The following ZNF558 variants were observed in gnomAD, a reference collection of about 807,000 sequenced individuals.
ZNF558 encodes zinc finger protein 558.
A neutral mutation model predicts 37.6 loss-of-function variants in ZNF558; 23 were observed. The ratio of observed to expected loss-of-function variants is 0.61; its 90% CI spans 0.44 to 0.87. ZNF558 has a LOEUF of 0.87. Ranked by LOEUF, ZNF558 falls within the 40% of genes least tolerant of loss-of-function variation. The probability of loss-of-function intolerance (pLI) is 0.00; values close to 1 mark genes in which losing one functional copy is unlikely to be tolerated. For synonymous variants in ZNF558, 189 were observed against 174.4 expected (o/e 1.08, Z -0.66); for missense variants, 429 against 483.7 (o/e 0.89, Z 1.06).
chr19:8,815,236 G>T (rs2043904779), intron 7 of ZNF558, among the ~76,000 whole-genome samples: 1 of 151,612 alleles, frequency 6.6e-6, no homozygotes, highest in Non-Finnish European at 1.5e-5. Context: ...TATGTATAAA[G>T]AACTAAAGGA....
In ZNF558 at chr19:8,808,383, T is replaced by A. The variant is rs946663704; in HGVS notation, c.*2898A>T. The A allele has an allele frequency of 3.6e-5, 4 of 112,292 alleles. No individual in the cohort carries two copies. The highest frequency in any genetic ancestry group is 7.2e-5 in the Non-Finnish European group (4 of 55,918). 7.0% of individuals were successfully genotyped at this position (112,292 alleles called of 1,614,324 possible). ...TACAATACTTTGCTATGTAAAAATA[T>A]CATCTCCACATAAAAAGGAATACAG... is the stretch of plus-strand genomic sequence containing the variant. On this transcript the variant is annotated 3_prime_UTR_variant, in exon 10 of 10. Transcript: ENST00000601372.
chr19:8,829,918 T>C (rs1289983380), intron 2 of ZNF558, among the ~76,000 whole-genome samples: 1 of 152,192 alleles, frequency 6.6e-6, no homozygotes, highest in African/African-American at 2.4e-5. Context: ...ATCACCATAC[T>C]GTTATTTCAG....
At chr19:8,834,604 C>CA (rs34714268), upstream of ZNF558, among the ~76,000 whole-genome samples, 546 of 88,408 alleles carry the variant, frequency 6.2e-3, 3 homozygotes, top group South Asian at 0.045. Context: ...GAGACTCCAT[C>CA]AAAAAAAAAA....
intron 7 of ZNF558, among the ~76,000 whole-genome samples, chr19:8,816,810 A>T (rs2043951014): frequency 6.6e-6 from 1 of 152,240 alleles, no homozygotes; most frequent in South Asian, 2.1e-4. Flanking sequence ...TTACTACATA[A>T]TTTAAAGACA....
chr19:8,816,864 C>T (rs144224440), intron 7 of ZNF558, among the ~76,000 whole-genome samples: 1 of 152,142 alleles, frequency 6.6e-6, no homozygotes, highest in African/African-American at 2.4e-5. Flanking sequence ...GCACACAATG[C>T]ATACAGATGC....
At chr19:8,825,247 T>C (rs1599287423) in intron 2 of ZNF558, 139 bp from the exon 3 acceptor site, 4 of 152,352 alleles carry the variant, frequency 2.6e-5, no homozygotes, top group Admixed American at 2.6e-4. Flanking sequence ...TGGCACTTCA[T>C]ATAATCGCAG....
rs61742909 is a variant in ZNF558 at position 8,811,765 on chromosome 19, A to G, written c.725T>C (p.Phe242Ser). Residue 242 changes from phenylalanine to serine, a missense_variant, in exon 10 of 10, where the codon TTT becomes TCT. Phe to Ser is a radical substitution (Grantham distance 155). Transcript: ENST00000601372. ...GTTACAACTGGTGCGGAAAACGTGA[A>G]AACACTGGTTACATTCATAGGGTTT... Reference protein sequence around the residue: ...GEKPYECNQCFHVFRTSCNLK... With the variant: ...GEKPYECNQCSHVFRTSCNLK... 7.9e-4 allele frequency: 1,278 copies of G among 1,613,718 alleles called. 13 individuals are homozygous for G. In the African/African-American group the frequency reaches 0.015, roughly 19 times the overall value.
chr19:8,821,345 C>G (rs368433176), intron 6 of ZNF558, 39 bp from the exon 7 acceptor site: 40 of 1,614,016 alleles, frequency 2.5e-5, no homozygotes, highest in Non-Finnish European at 3.3e-5. Context: ...CCAAGGACCA[C>G]CCCCACCAAC....
chr19:8,825,428 G>GA (rs888489495), intron 2 of ZNF558, among the ~76,000 whole-genome samples: 31 of 148,886 alleles, frequency 2.1e-4, no homozygotes, highest in Non-Finnish European at 3.6e-4. Flanking sequence ...ATGTAGCCAG[G>GA]AAAAAAAAAC....
At chr19:8,818,607 C>T (rs953319499) in intron 7 of ZNF558, among the ~76,000 whole-genome samples, 10 of 152,008 alleles carry the variant, frequency 6.6e-5, no homozygotes, top group South Asian at 4.2e-4. Flanking sequence ...CATGGCATTG[C>T]GAGGGATCTT....
At position 8,811,251 on chromosome 19, in the gene ZNF558, G is replaced by C. The variant is rs112409351; in HGVS notation, c.*30C>G. On this transcript the variant is annotated 3_prime_UTR_variant, in exon 10 of 10. Coordinates refer to ENST00000601372, the MANE Select transcript of ZNF558 (RefSeq NM_144693.3). ...TATCTTAGGGATGAAAGATCAATGA[G>C]TGCTTTCCTCCAGAAGTTCCTGCAG... is the stretch of plus-strand genomic sequence containing the variant. The C allele has an allele frequency of 1.3e-6, 2 of 1,528,550 alleles. No individual in the cohort carries two copies. Among genetic ancestry groups the C allele is most frequent in the African/African-American group, 1.4e-5 (1 of 72,178 alleles). The allele number at this position is 1,528,550 out of a possible 1,614,324, so 94.7% of individuals were successfully genotyped here.
chr19:8,826,940 G>A (rs536320221), intron 2 of ZNF558, among the ~76,000 whole-genome samples: 83 of 152,178 alleles, frequency 5.5e-4, no homozygotes, highest in African/African-American at 1.4e-3. Flanking sequence ...CTTTTTCCCC[G>A]TAACAGACCT....
intron 7 of ZNF558, among the ~76,000 whole-genome samples, chr19:8,820,640 C>G (rs369907954): frequency 9.9e-5 from 15 of 151,938 alleles, no homozygotes; most frequent in Admixed American, 7.2e-4. Context: ...CCACCACGTC[C>G]GGCTAATTTG....
upstream of ZNF558, among the ~76,000 whole-genome samples, chr19:8,836,092 G>A (rs1184886087): frequency 6.6e-6 from 1 of 152,152 alleles, no homozygotes; most frequent in Non-Finnish European, 1.5e-5. Flanking sequence ...GCAACTGTGT[G>A]AATGTACTAA....
intron 6 of ZNF558, 65 bp downstream of exon 6, chr19:8,821,938 A>G: frequency 6.3e-7 from 1 of 1,599,140 alleles, no homozygotes; most frequent in African/African-American, 1.3e-5. Context: ...AGGCTGCTGG[A>G]AGGTATCAAG....
rs1306861869 is a variant in ZNF558, at chr19:8,806,830, T to G, written c.*4451A>C. Reference sequence around the variant, plus strand: ...TCCAACCCATTTAACCCTTTATATGTCAGATGTCATTCATTGTCTTCTTGC... The same window carrying G: ...TCCAACCCATTTAACCCTTTATATGGCAGATGTCATTCATTGTCTTCTTGC... On this transcript the variant is annotated 3_prime_UTR_variant, in exon 10 of 10. Coordinates refer to ENST00000601372, the MANE Select transcript of ZNF558 (RefSeq NM_144693.3). 6.6e-6 allele frequency: 1 copy of G among 152,212 alleles called. No homozygotes were observed. Among genetic ancestry groups the G allele is most frequent in the Non-Finnish European group, 1.5e-5 (1 of 68,042 alleles). 9.4% of individuals were successfully genotyped at this position (152,212 alleles called of 1,614,324 possible).
chr19:8,833,762 G>T (rs973447941), upstream of ZNF558, among the ~76,000 whole-genome samples: 1 of 152,318 alleles, frequency 6.6e-6, no homozygotes, highest in East Asian at 1.9e-4. Flanking sequence ...GCCGAGGCAG[G>T]CAGATCACCT....
intron 7 of ZNF558, among the ~76,000 whole-genome samples, chr19:8,818,059 A>G (rs2043984993): frequency 6.6e-6 from 1 of 152,256 alleles, no homozygotes; most frequent in Non-Finnish European, 1.5e-5. Flanking sequence ...AACATTCTCC[A>G]GGATAGATTA....
rs1171899625 is a variant in ZNF558, at chr19:8,821,172, A to G, written c.247+8T>C. ...ATTAAATAAATGCAGGAATGACATTAGGCTTACCTAGTGAGGCCAGGTTCC... is the reference window on the plus strand; with the variant it reads ...ATTAAATAAATGCAGGAATGACATTGGGCTTACCTAGTGAGGCCAGGTTCC... On this transcript the variant is annotated splice_region_variant and intron_variant, in intron 7 of 9. Transcript: ENST00000601372. 1 of 1,613,294 alleles carries G rather than the reference A, an allele frequency of 6.2e-7. No homozygotes were observed. Among genetic ancestry groups the G allele is most frequent in the Non-Finnish European group, 8.5e-7 (1 of 1,179,412 alleles).
Sources: allele counts gnomAD v4.1 joint callset (sites outside exome capture counted in the v4.1 genomes callset), GRCh38; gene constraint gnomAD v4.1.1; transcripts MANE v1.5; gene names NCBI Gene and HGNC (gene_info 2026-07-23, HGNC 2026-07-21).